The following CLSTN2 variants were observed in gnomAD, a reference collection of about 807,000 sequenced individuals.
The protein encoded by CLSTN2 is calsyntenin-2.
Under a neutral mutation model 101.2 loss-of-function variants are expected in CLSTN2, and 48 were observed. That is an observed-to-expected ratio of 0.47 (90% confidence interval 0.38 to 0.60). The LOEUF (loss-of-function observed/expected upper bound fraction) is 0.60. Among genes scored for constraint, CLSTN2 ranks in the 20% least tolerant of loss-of-function variants. The pLI, the probability that CLSTN2 is intolerant of heterozygous loss-of-function variation, is 0.00. For synonymous variants in CLSTN2, 481 were observed against 463.6 expected, an observed-to-expected ratio of 1.04 and a Z score of -0.48; for missense variants, 1,160 against 1,238.2, an observed-to-expected ratio of 0.94 and a Z score of 0.95.
At chr3:140,085,803 GC>G (rs1399631355) in intron 1 of CLSTN2, among the ~76,000 whole-genome samples, 9 of 152,150 alleles carry the variant, frequency 5.9e-5, no homozygotes, top group African/African-American at 2.2e-4. Context: ...TGGATATAGA[GC>G]CTCAGAGAAT....
chr3:140,008,166 T>C (rs1328917386), intron 1 of CLSTN2, among the ~76,000 whole-genome samples: 1 of 152,216 alleles, frequency 6.6e-6, no homozygotes, highest in Non-Finnish European at 1.5e-5. Flanking sequence ...AGCATGGTTC[T>C]GGGAGGTGAT....
At chr3:140,176,463 A>G (rs2010326747) in intron 2 of CLSTN2, among the ~76,000 whole-genome samples, 1 of 152,200 alleles carries the variant, frequency 6.6e-6, no homozygotes, top group East Asian at 1.9e-4. Context: ...AGCTTGGTAC[A>G]TTGGCAAGAG....
rs981246676 is a variant in CLSTN2, at chr3:140,564,255, G to T, written c.2667+110G>T. 1.4e-5 allele frequency: 13 copies of T among 922,224 alleles called. No individual in the cohort carries two copies. The Admixed American group carries it at 2.1e-4, about 15-fold the overall frequency. The allele number at this position is 922,224 out of a possible 1,614,324, so 57.1% of individuals were successfully genotyped here. On this transcript the variant is annotated intron_variant, in intron 16 of 16. Transcript: ENST00000458420. ...CATACCCCCTCCTTCTGGAAGCCCT[G>T]CCCCATCTAGTCCAGCTCCACTGAT...
intron 2 of CLSTN2, among the ~76,000 whole-genome samples, chr3:140,214,352 G>C (rs2010895766): frequency 1.3e-5 from 2 of 152,084 alleles, no homozygotes; most frequent in African/African-American, 2.4e-5. Context: ...TACTCGGGAG[G>C]CTGGGGCAGG....
chr3:140,563,424 T>G (rs1228587178), intron 15 of CLSTN2, among the ~76,000 whole-genome samples: 1 of 152,054 alleles, frequency 6.6e-6, no homozygotes, highest in Non-Finnish European at 1.5e-5. Flanking sequence ...ATAGCAGAGG[T>G]CAGTACAAAG....
intron 1 of CLSTN2, among the ~76,000 whole-genome samples, chr3:140,007,673 C>G (rs2006985766): frequency 1.3e-5 from 2 of 152,176 alleles, no homozygotes; most frequent in Non-Finnish European, 2.9e-5. Flanking sequence ...GTCTGGCTCT[C>G]CTCTCCGTGG....
chr3:140,120,267 T>C (rs1410248979), intron 1 of CLSTN2, among the ~76,000 whole-genome samples: 1 of 152,156 alleles, frequency 6.6e-6, no homozygotes, highest in Admixed American at 6.5e-5. Flanking sequence ...CGTTAATTTG[T>C]TGGAGTGGCT....
chr3:140,175,996 T>A lies in CLSTN2; in HGVS notation c.155T>A (p.Ile52Lys), dbSNP rs769802016. The A allele has an allele frequency of 6.2e-7, 1 of 1,613,592 alleles. No individual in the cohort carries two copies. Among genetic ancestry groups the A allele is most frequent in the Non-Finnish European group, 8.5e-7 (1 of 1,179,578 alleles). Reference sequence around the variant, plus strand: ...ATCGAGACTTCATATCATGGAGTCATAACTGAGAACAATGACACAGTCATT... The same window carrying A: ...ATCGAGACTTCATATCATGGAGTCAAAACTGAGAACAATGACACAGTCATT... ...PWIETSYHGV[I>K]TENNDTVILD... The change falls in exon 2 of 17, where the codon ATA becomes AAA. Residue 52 changes from isoleucine to lysine, a missense_variant. Transcript: ENST00000458420.
chr3:140,178,320 G>A (rs780353721), intron 2 of CLSTN2, among the ~76,000 whole-genome samples: 3 of 150,760 alleles, frequency 2.0e-5, no homozygotes, highest in South Asian at 2.1e-4. Flanking sequence ...TTATAGGGCC[G>A]AAGAAGAATT....
At chr3:140,443,306 G>GAA (rs748377582) in intron 5 of CLSTN2, among the ~76,000 whole-genome samples, 7 of 152,202 alleles carry the variant, frequency 4.6e-5, no homozygotes, top group Non-Finnish European at 8.8e-5. Context: ...CACAGAATTG[G>GAA]AACAATGGAC....
chr3:140,421,228 C>T lies in CLSTN2; in HGVS notation c.741C>T (p.Thr247=). 1.2e-6 allele frequency: 2 copies of T among 1,614,116 alleles called. No homozygotes were observed. The highest frequency in any genetic ancestry group is 1.7e-6 in the Non-Finnish European group (2 of 1,180,000). ...GACAGAAGCCCGCTGCTCAGGACAC[C>T]CTGGTGCAGGTGGATGTGAAGCCAG... ...DCGQKPAAQD[T]LVQVDVKPVC... The change falls in exon 5 of 17, where the codon ACC becomes ACT. Residue 247 remains threonine, a synonymous_variant. Coordinates refer to ENST00000458420, the MANE Select transcript of CLSTN2 (RefSeq NM_022131.3).
At chr3:140,124,356 G>T (rs2009396103) in intron 1 of CLSTN2, among the ~76,000 whole-genome samples, 1 of 152,162 alleles carries the variant, frequency 6.6e-6, no homozygotes, top group Non-Finnish European at 1.5e-5. Context: ...GTGGACTGCT[G>T]CAGAGGGGCT....
chr3:140,520,191 CCCTTTGTAGGTGA>C (rs1227123340), intron 8 of CLSTN2, among the ~76,000 whole-genome samples: 2 of 152,180 alleles, frequency 1.3e-5, no homozygotes, highest in African/African-American at 4.8e-5. Context: ...TGATGGGTTT[CCCTTTGTAGGTGA>C]CCTGGCCTTT....
intron 2 of CLSTN2, among the ~76,000 whole-genome samples, chr3:140,351,264 A>G (rs1023937107): frequency 1.2e-4 from 19 of 152,228 alleles, no homozygotes; most frequent in Admixed American, 1.0e-3. Flanking sequence ...AGGATAACAA[A>G]ATCAGTACAA....
At chr3:140,241,130 A>G (rs140736136) in intron 2 of CLSTN2, among the ~76,000 whole-genome samples, 98 of 152,322 alleles carry the variant, frequency 6.4e-4, no homozygotes, top group African/African-American at 2.2e-3. Context: ...AAAATTTCAA[A>G]GAAAACAAGA....
At chr3:139,948,590 G>A (rs73224945) in intron 1 of CLSTN2, among the ~76,000 whole-genome samples, 692 of 152,294 alleles carry the variant, frequency 4.5e-3, no homozygotes, top group Middle Eastern at 0.037. Context: ...TATATAGGAG[G>A]CCATTTGATT....
At chr3:140,211,769 G>C (rs2010859281) in intron 2 of CLSTN2, among the ~76,000 whole-genome samples, 1 of 151,822 alleles carries the variant, frequency 6.6e-6, no homozygotes, top group South Asian at 2.1e-4. Flanking sequence ...ATTTCTCCCT[G>C]AGCCCCTCAA....
chr3:140,065,801 G>A (rs1418588357), intron 1 of CLSTN2, among the ~76,000 whole-genome samples: 2 of 152,098 alleles, frequency 1.3e-5, no homozygotes, highest in Non-Finnish European at 2.9e-5. Context: ...TGGGAGTGAG[G>A]GGCACCTTAT....
chr3:140,549,264 C>T (rs978499190), intron 10 of CLSTN2, among the ~76,000 whole-genome samples: 1 of 147,824 alleles, frequency 6.8e-6, no homozygotes, highest in Admixed American at 6.8e-5. Flanking sequence ...AAAGTCATGC[C>T]TTTTAAAAAC....
Sources: allele counts gnomAD v4.1 joint callset (sites outside exome capture counted in the v4.1 genomes callset), GRCh38; gene constraint gnomAD v4.1.1; transcripts MANE v1.5; gene names NCBI Gene and HGNC (gene_info 2026-07-23, HGNC 2026-07-21).